GLCE: variants seen among roughly 807,000 people sequenced by gnomAD.
The protein encoded by GLCE is glucuronic acid epimerase, also known as D-glucuronyl C5-epimerase.
GLCE carries 19 observed loss-of-function variants against 47.9 expected under a neutral mutation model. The ratio of observed to expected loss-of-function variants is 0.40; its 90% CI spans 0.28 to 0.58. The LOEUF (loss-of-function observed/expected upper bound fraction) is 0.58, where lower values mean the gene tolerates loss of function less well. Ranked by LOEUF, GLCE falls within the 20% of genes least tolerant of loss-of-function variation. The pLI, the probability that GLCE is intolerant of heterozygous loss-of-function variation, is 0.48. For missense variants in GLCE, 556 were observed against 743.3 expected (o/e 0.75, Z 2.93); for synonymous variants, 245 against 263.4 (o/e 0.93, Z 0.68).
intron 2 of GLCE, among the ~76,000 whole-genome samples, chr15:69,227,514 CT>C (rs2052466619): frequency 7.2e-6 from 1 of 139,696 alleles, no homozygotes; most frequent in Non-Finnish European, 1.6e-5. Flanking sequence ...CATGAACTTT[CT>C]TTTTTCATAT....
chr15:69,202,711 T>C (rs1351967932), intron 1 of GLCE, among the ~76,000 whole-genome samples: 2 of 152,138 alleles, frequency 1.3e-5, no homozygotes, highest in African/African-American at 4.8e-5. Context: ...GAACTTTTTA[T>C]CAGAACTATT....
chr15:69,180,409 G>A (rs1172463947), intron 1 of GLCE, among the ~76,000 whole-genome samples: 1 of 152,122 alleles, frequency 6.6e-6, no homozygotes. Context: ...AAAAATGTAA[G>A]TTTACAGCAT....
At chr15:69,208,355 T>G (rs1214436694) in intron 1 of GLCE, among the ~76,000 whole-genome samples, 2 of 152,074 alleles carry the variant, frequency 1.3e-5, no homozygotes, top group Non-Finnish European at 2.9e-5. Context: ...TCTTTGCATA[T>G]GGATGCACAG....
intron 2 of GLCE, among the ~76,000 whole-genome samples, chr15:69,213,100 A>C (rs1423367329): frequency 1.3e-5 from 2 of 152,106 alleles, no homozygotes; most frequent in African/African-American, 4.8e-5. Flanking sequence ...ATTTTGAAAT[A>C]ATTTTAGATG....
chr15:69,182,477 A>G (rs1373167664), intron 1 of GLCE, among the ~76,000 whole-genome samples: 3 of 152,164 alleles, frequency 2.0e-5, no homozygotes, highest in African/African-American at 4.8e-5. Flanking sequence ...GGTAACAACT[A>G]GCCAAGCAAG....
At chr15:69,198,919 T>C (rs2052035778) in intron 1 of GLCE, among the ~76,000 whole-genome samples, 1 of 152,088 alleles carries the variant, frequency 6.6e-6, no homozygotes. Context: ...TTACACAACA[T>C]GTGACTATCA....
intron 3 of GLCE, among the ~76,000 whole-genome samples, chr15:69,260,329 G>A (rs990460220): frequency 7.0e-6 from 1 of 142,874 alleles, no homozygotes; most frequent in Admixed American, 7.3e-5. Context: ...GCGCCATCTC[G>A]GCTCACTGCA....
intron 1 of GLCE, among the ~76,000 whole-genome samples, chr15:69,195,011 G>C (rs771317031): frequency 1.8e-4 from 27 of 152,086 alleles, no homozygotes; most frequent in Non-Finnish European, 3.5e-4. Flanking sequence ...TTATAGTTCA[G>C]GTTGAACTGC....
chr15:69,200,541 T>G (rs559063228), intron 1 of GLCE, among the ~76,000 whole-genome samples: 3 of 152,276 alleles, frequency 2.0e-5, no homozygotes, highest in Admixed American at 2.0e-4. Flanking sequence ...ATATTGTTCT[T>G]TTAAACAAGG....
At chr15:69,216,069 A>G (rs893513413) in intron 2 of GLCE, among the ~76,000 whole-genome samples, 1 of 152,146 alleles carries the variant, frequency 6.6e-6, no homozygotes, top group Non-Finnish European at 1.5e-5. Flanking sequence ...GAAGGTATGT[A>G]TAGTTTTATA....
At chr15:69,259,207 A>G (rs1487176892) in intron 3 of GLCE, among the ~76,000 whole-genome samples, 1 of 152,050 alleles carries the variant, frequency 6.6e-6, no homozygotes, top group South Asian at 2.1e-4. Context: ...TTCGAATGTG[A>G]TAAGTGGAGT....
At chr15:69,217,838 A>G (rs1412129562) in intron 2 of GLCE, among the ~76,000 whole-genome samples, 1 of 152,172 alleles carries the variant, frequency 6.6e-6, no homozygotes, top group African/African-American at 2.4e-5. Context: ...GATTACACAC[A>G]TTTTACAAAC....
chr15:69,220,253 C>T lies in GLCE; in HGVS notation c.-14+9847C>T, dbSNP rs982883867. The stretch of plus-strand genomic sequence containing the variant: ...ATACTGAGAAGTGGAATTGTTGGAT[C>T]GTATGGTAAACTCTGTTTTTAAATT... On this transcript the variant is annotated intron_variant, in intron 2 of 4. Transcript: ENST00000261858. Among the ~76,000 whole-genome samples, 4 of 152,036 alleles carry T rather than the reference C, an allele frequency of 2.6e-5. No individual in the cohort carries two copies. In the South Asian group the frequency reaches 6.2e-4, roughly 24 times the overall value.
chr15:69,234,871 C>T (rs1206112301), intron 2 of GLCE, among the ~76,000 whole-genome samples: 1 of 152,026 alleles, frequency 6.6e-6, no homozygotes, highest in Non-Finnish European at 1.5e-5. Flanking sequence ...ATATATCATT[C>T]TGTGGAAAGC....
chr15:69,269,088 G>T lies in GLCE; in HGVS notation c.1698G>T (p.Met566Ile), dbSNP rs1411716043. Residue 566 changes from methionine to isoleucine, a missense_variant, in exon 5 of 5, where the codon ATG becomes ATT. This residue lies in a region of GLCE where 245 missense variants were observed against 368.1 expected (regional missense o/e 0.67). Transcript: ENST00000261858. ...CCATCTATGACCTCCGTCACTTCAT[G>T]CTTGGCATCGCTCCTAACCTGGCTC... is the stretch of plus-strand genomic sequence containing the variant. ...SGTIYDLRHF[M>I]LGIAPNLARW... 6.2e-7 allele frequency: 1 copy of T among 1,614,152 alleles called. No homozygotes were observed. The highest frequency in any genetic ancestry group is 1.7e-5 in the Admixed American group (1 of 60,028).
intron 1 of GLCE, among the ~76,000 whole-genome samples, chr15:69,179,867 G>T (rs2051726648): frequency 2.0e-5 from 3 of 152,054 alleles, no homozygotes; most frequent in Admixed American, 2.0e-4. Flanking sequence ...CATGCCTGTA[G>T]TCCCAGCTAC....
chr15:69,255,882 C>G lies in GLCE; in HGVS notation c.76C>G (p.Leu26Val). Residue 26 changes from leucine (L) to valine (V), a missense_variant, in exon 3 of 5, where the codon CTT becomes GTT. Coordinates refer to ENST00000261858, the MANE Select transcript of GLCE (RefSeq NM_015554.3). ...CGCACTCTTCACTTTGGTCACAGTA[C>G]TTTTGTGGAATAAGTGTTCCAGTGA... ...ICALFTLVTV[L>V]LWNKCSSDKA... is the part of the protein sequence containing the mutation. 6.2e-7 allele frequency: 1 copy of G among 1,614,026 alleles called. No individual in the cohort carries two copies.
intron 2 of GLCE, among the ~76,000 whole-genome samples, chr15:69,212,933 G>A (rs888612238): frequency 2.6e-5 from 4 of 151,804 alleles, no homozygotes; most frequent in Admixed American, 6.6e-5. Flanking sequence ...TAATGTTTTC[G>A]AATAATTTGG....
At chr15:69,232,178 T>C (rs1332839956) in intron 2 of GLCE, among the ~76,000 whole-genome samples, 6 of 152,218 alleles carry the variant, frequency 3.9e-5, no homozygotes, top group Non-Finnish European at 8.8e-5. Context: ...AAAATAACAA[T>C]TTTAATTATT....
Sources: gnomAD v4.1 joint callset for allele counts (sites outside exome capture counted in the v4.1 genomes callset) on GRCh38, gnomAD v4.1.1 for gene constraint, gnomAD v4.1.1 regional missense constraint, MANE v1.5 for transcripts, NCBI Gene and HGNC (gene_info 2026-07-23, HGNC 2026-07-21) for gene names.